RPS6KA5: variants seen among roughly 807,000 people sequenced by gnomAD.
RPS6KA5 encodes ribosomal protein S6 kinase alpha-5.
In RPS6KA5, 27 loss-of-function variants were observed where a neutral mutation model predicts 85.5. The observed-to-expected ratio is 0.32, with a 90% CI of 0.23 to 0.44. RPS6KA5 has a LOEUF of 0.44. Among genes scored for constraint, RPS6KA5 ranks in the 20% least tolerant of loss-of-function variants. The probability of loss-of-function intolerance (pLI) is 1.00; values close to 1 mark genes in which losing one functional copy is unlikely to be tolerated. For synonymous variants in RPS6KA5, 334 were observed against 348.2 expected, an observed-to-expected ratio of 0.96 and a Z score of 0.46; for missense variants, 811 against 980.9, an observed-to-expected ratio of 0.83 and a Z score of 2.31.
chr14:91,042,185 T>C (rs975378848), intron 1 of RPS6KA5, among the ~76,000 whole-genome samples: 1 of 152,192 alleles, frequency 6.6e-6, no homozygotes, highest in African/African-American at 2.4e-5. Flanking sequence ...GCATATACAT[T>C]TTGTGTCAAC....
chr14:91,039,789 G>A (rs1433255005), intron 1 of RPS6KA5, among the ~76,000 whole-genome samples: 2 of 152,196 alleles, frequency 1.3e-5, no homozygotes, highest in Non-Finnish European at 2.9e-5. Context: ...ATAGAAGGAT[G>A]AGGTTGCGCA....
chr14:90,926,662 TAA>T (rs980134122), intron 5 of RPS6KA5, among the ~76,000 whole-genome samples: 17 of 108,544 alleles, frequency 1.6e-4, no homozygotes, highest in Non-Finnish European at 2.2e-4. Context: ...TATATATATT[TAA>T]GTGTGTGTGT....
intron 11 of RPS6KA5, 144 bp downstream of exon 11, chr14:90,899,964 T>C: frequency 1.9e-6 from 1 of 518,668 alleles, no homozygotes; most frequent in Non-Finnish European, 3.1e-6. Context: ...AAAAGTATAA[T>C]GGACCAACTG....
chr14:90,974,648 T>C (rs1250998199), intron 3 of RPS6KA5, among the ~76,000 whole-genome samples: 1 of 152,164 alleles, frequency 6.6e-6, no homozygotes, highest in Non-Finnish European at 1.5e-5. Context: ...TGATCTACTG[T>C]ACTGGAGGAT....
intron 5 of RPS6KA5, among the ~76,000 whole-genome samples, chr14:90,933,668 C>T (rs978464557): frequency 1.1e-4 from 17 of 152,212 alleles, no homozygotes; most frequent in African/African-American, 3.4e-4. Flanking sequence ...GAGATCACTA[C>T]TCTTCTACTC....
At chr14:90,889,608 TG>T (rs1332660827) in intron 14 of RPS6KA5, among the ~76,000 whole-genome samples, 1 of 152,182 alleles carries the variant, frequency 6.6e-6, no homozygotes, top group Non-Finnish European at 1.5e-5. Flanking sequence ...AATTCATTTG[TG>T]TAGCTTATAA....
intron 1 of RPS6KA5, among the ~76,000 whole-genome samples, chr14:91,045,483 C>T (rs140974504): frequency 1.4e-3 from 218 of 152,256 alleles, no homozygotes; most frequent in Admixed American, 3.6e-3. Flanking sequence ...AGGCTGGTCT[C>T]GAATCTCTGA....
In RPS6KA5 at chr14:90,937,854, C is replaced by T. The variant is rs187964480; in HGVS notation, c.618+5224G>A. On this transcript the variant is annotated intron_variant, in intron 5 of 16. Coordinates refer to ENST00000614987, the MANE Select transcript of RPS6KA5 (RefSeq NM_004755.4). ...CCCACCAGGTCCCTCCCACAACATG[C>T]GGGAATTCAAGATGAGATTTGGGTG... Among the ~76,000 whole-genome samples the T allele has an allele frequency of 8.8e-4, 134 of 152,260 alleles. 3 individuals are homozygous for T. Among genetic ancestry groups the T allele is most frequent in the Admixed American group, 8.4e-3 (128 of 15,296 alleles).
At chr14:91,016,985 A>C (rs1040088352) in intron 1 of RPS6KA5, among the ~76,000 whole-genome samples, 2 of 152,054 alleles carry the variant, frequency 1.3e-5, no homozygotes, top group Non-Finnish European at 2.9e-5. Flanking sequence ...TGTTCTGTGG[A>C]TACCAGCCAG....
intron 5 of RPS6KA5, among the ~76,000 whole-genome samples, chr14:90,940,720 C>T (rs374537733): frequency 2.1e-4 from 32 of 152,292 alleles, no homozygotes; most frequent in East Asian, 5.8e-4. Flanking sequence ...TACTGGTCTG[C>T]GGCCTGTTAG....
At chr14:91,044,648 T>G (rs990031724) in intron 1 of RPS6KA5, among the ~76,000 whole-genome samples, 3 of 150,746 alleles carry the variant, frequency 2.0e-5, no homozygotes, top group Non-Finnish European at 3.0e-5. Flanking sequence ...CCGAGGCGGG[T>G]GAATCACGAG....
intron 14 of RPS6KA5, among the ~76,000 whole-genome samples, chr14:90,883,996 A>T (rs1340776255): frequency 6.6e-6 from 1 of 152,148 alleles, no homozygotes; most frequent in Non-Finnish European, 1.5e-5. Flanking sequence ...TCCCAAAGGG[A>T]AAAAGGGGGA....
chr14:90,945,604 T>C (rs1020209414), intron 4 of RPS6KA5, among the ~76,000 whole-genome samples: 5 of 152,308 alleles, frequency 3.3e-5, no homozygotes, highest in South Asian at 2.1e-4. Flanking sequence ...AAGAGAAGGT[T>C]AACCAAGAGT....
intron 14 of RPS6KA5, among the ~76,000 whole-genome samples, chr14:90,878,798 C>T (rs907038852): frequency 7.2e-5 from 11 of 152,184 alleles, no homozygotes; most frequent in African/African-American, 2.4e-4. Context: ...ATACGTTGCA[C>T]TGGAGAATAC....
chr14:90,916,426 AT>A (rs1347613619), intron 7 of RPS6KA5, among the ~76,000 whole-genome samples: 1 of 152,222 alleles, frequency 6.6e-6, no homozygotes, highest in Non-Finnish European at 1.5e-5. Flanking sequence ...TAAATAATAC[AT>A]TACTTTGAAC....
intron 3 of RPS6KA5, among the ~76,000 whole-genome samples, chr14:90,970,087 A>G (rs1290017252): frequency 1.3e-5 from 2 of 152,070 alleles, no homozygotes; most frequent in East Asian, 1.9e-4. Context: ...CCTGAAAGTC[A>G]TTTCTTTTTA....
rs2031934112 is a variant in RPS6KA5, at chr14:90,850,420, TAAGAA to T, written c.*21649_*21653del. The T allele has an allele frequency of 1.9e-5, 2 of 104,256 alleles. No individual in the cohort carries two copies. The highest frequency in any genetic ancestry group is 5.8e-4 in the South Asian group (2 of 3,420). 6.5% of individuals were successfully genotyped at this position (104,256 alleles called of 1,614,324 possible). ...AGAGAAGAAAGTATTTTTAATCTAT[TAAGAA>T]AATGAAGAAAACAACCTAATCAATG... On this transcript the variant is annotated 3_prime_UTR_variant, in exon 17 of 17. Coordinates refer to ENST00000614987, the MANE Select transcript of RPS6KA5 (RefSeq NM_004755.4).
chr14:90,872,006 A>C lies in RPS6KA5; in HGVS notation c.*68T>G, dbSNP rs1595089814. On this transcript the variant is annotated 3_prime_UTR_variant, in exon 17 of 17. Coordinates refer to ENST00000614987, the MANE Select transcript of RPS6KA5 (RefSeq NM_004755.4). ...AACGGGAAACATTTTTAAAAGCATA[A>C]AAGATCGCCTCAGGCATATGCTGAG... The C allele has an allele frequency of 6.6e-7, 1 of 1,521,056 alleles. No individual in the cohort carries two copies. The highest frequency in any genetic ancestry group is 8.8e-7 in the Non-Finnish European group (1 of 1,135,252). The allele number at this position is 1,521,056 out of a possible 1,614,324, so 94.2% of individuals were successfully genotyped here.
In RPS6KA5 at chr14:91,004,965, G is replaced by A. The variant is rs187018735; in HGVS notation, c.104-3806C>T. ...AGCTTGGGCGACAAAGTGAGACTCC[G>A]TCTCAAAAAAAAAAACAAAAAAACA... On this transcript the variant is annotated intron_variant, in intron 1 of 16. Coordinates refer to ENST00000614987, the MANE Select transcript of RPS6KA5 (RefSeq NM_004755.4). Among the ~76,000 whole-genome samples, 17 of 149,332 alleles carry A rather than the reference G, an allele frequency of 1.1e-4. No individual in the cohort carries two copies. The East Asian group carries it at 1.9e-3, about 17-fold the overall frequency.
Sources: gnomAD v4.1 joint callset for allele counts (sites outside exome capture counted in the v4.1 genomes callset) on GRCh38, gnomAD v4.1.1 for gene constraint, MANE v1.5 for transcripts, NCBI Gene and HGNC (gene_info 2026-07-23, HGNC 2026-07-21) for gene names.